The following CNOT6L variants were observed in gnomAD, a reference collection of about 807,000 sequenced individuals.
CNOT6L encodes the protein CCR4-NOT transcription complex subunit 6-like.
Under a neutral mutation model 64.0 loss-of-function variants are expected in CNOT6L, and 7 were observed. That is an observed-to-expected ratio of 0.11 (90% CI 0.06 to 0.21). CNOT6L has a LOEUF of 0.21. Among genes scored for constraint, CNOT6L ranks in the 10% least tolerant of loss-of-function variants. The pLI is 1.00. For synonymous variants in CNOT6L, 193 were observed against 243.4 expected, an observed-to-expected ratio of 0.79 and a Z score of 1.93; for missense variants, 245 against 669.0, an observed-to-expected ratio of 0.37 and a Z score of 6.99.
At chr4:77,758,514 T>G (rs1315331975) in intron 4 of CNOT6L, among the ~76,000 whole-genome samples, 1 of 152,182 alleles carries the variant, frequency 6.6e-6, no homozygotes, top group Non-Finnish European at 1.5e-5. Context: ...CATGTAAAGA[T>G]TTTAAAAGCT....
At chr4:77,781,132 A>G (rs1406179826) in intron 1 of CNOT6L, among the ~76,000 whole-genome samples, 1 of 152,156 alleles carries the variant, frequency 6.6e-6, no homozygotes, top group Non-Finnish European at 1.5e-5. Flanking sequence ...ATGAACAATG[A>G]GAACACATGG....
chr4:77,784,825 T>G (rs1729259707), intron 1 of CNOT6L, among the ~76,000 whole-genome samples: 1 of 152,164 alleles, frequency 6.6e-6, no homozygotes, highest in Non-Finnish European at 1.5e-5. Flanking sequence ...TTCTTTCTCC[T>G]CTGATACGTA....
chr4:77,749,810 A>G (rs767943531), intron 5 of CNOT6L, among the ~76,000 whole-genome samples: 12 of 152,236 alleles, frequency 7.9e-5, no homozygotes, highest in Non-Finnish European at 1.6e-4. Flanking sequence ...AATATAAATT[A>G]GTACAGCTAT....
chr4:77,802,857 C>A (rs562684843), intron 1 of CNOT6L, among the ~76,000 whole-genome samples: 1 of 152,264 alleles, frequency 6.6e-6, no homozygotes, highest in African/African-American at 2.4e-5. Flanking sequence ...AACCAAGCTT[C>A]TACTAAATCA....
chr4:77,764,896 G>A (rs985186392), intron 4 of CNOT6L, among the ~76,000 whole-genome samples: 1 of 152,126 alleles, frequency 6.6e-6, no homozygotes, highest in African/African-American at 2.4e-5. Context: ...TTATAAAAGG[G>A]AGCAGAGAAA....
At chr4:77,755,986 T>C (rs1289871765) in intron 5 of CNOT6L, among the ~76,000 whole-genome samples, 5 of 151,940 alleles carry the variant, frequency 3.3e-5, no homozygotes, top group African/African-American at 9.7e-5. Flanking sequence ...TTTTTGTTTT[T>C]AATATATATT....
intron 9 of CNOT6L, 62 bp from the exon 10 acceptor site, chr4:77,729,143 T>A (rs1722171916): frequency 1.5e-6 from 2 of 1,300,606 alleles, no homozygotes; most frequent in Non-Finnish European, 2.2e-6. Flanking sequence ...AAATGTGGCA[T>A]CCTCAGGTTT....
chr4:77,807,530 A>G (rs1305445978), intron 1 of CNOT6L, among the ~76,000 whole-genome samples: 1 of 152,204 alleles, frequency 6.6e-6, no homozygotes, highest in Non-Finnish European at 1.5e-5. Flanking sequence ...AGTACCAAGT[A>G]AGGTTTCCCA....
chr4:77,798,186 G>A (rs1379319632), intron 1 of CNOT6L, among the ~76,000 whole-genome samples: 3 of 152,080 alleles, frequency 2.0e-5, no homozygotes, highest in Non-Finnish European at 2.9e-5. Flanking sequence ...AATCAGCCAG[G>A]AGCCTATAGT....
At chr4:77,819,243 C>G (rs1192546884) in intron 1 of CNOT6L, 61 bp downstream of exon 1, 1 of 1,613,136 alleles carries the variant, frequency 6.2e-7, no homozygotes, top group Non-Finnish European at 8.5e-7. Context: ...CTCATTTCCC[C>G]GGGGACGCGC....
chr4:77,803,208 C>T (rs1182644602), intron 1 of CNOT6L, among the ~76,000 whole-genome samples: 2 of 150,398 alleles, frequency 1.3e-5, no homozygotes, highest in Non-Finnish European at 3.0e-5. Context: ...AATGCAGTGG[C>T]CAAAAAAAAT....
intron 5 of CNOT6L, among the ~76,000 whole-genome samples, chr4:77,749,478 A>G (rs1423700536): frequency 6.6e-6 from 1 of 152,210 alleles, no homozygotes; most frequent in African/African-American, 2.4e-5. Context: ...GGGATCCTTA[A>G]TTAGCAAAAT....
chr4:77,767,468 T>C (rs964519633), intron 4 of CNOT6L, among the ~76,000 whole-genome samples: 3 of 152,078 alleles, frequency 2.0e-5, no homozygotes, highest in Non-Finnish European at 4.4e-5. Context: ...TAAGACAATA[T>C]GCTAATTGGT....
At chr4:77,779,797 C>CA (rs1448320557) in intron 1 of CNOT6L, among the ~76,000 whole-genome samples, 19 of 151,644 alleles carry the variant, frequency 1.3e-4, no homozygotes, top group South Asian at 2.1e-4. Context: ...CCGTCTCTAC[C>CA]AAAAAAAATA....
chr4:77,734,014 C>T (rs1722701189), intron 8 of CNOT6L, among the ~76,000 whole-genome samples: 1 of 152,112 alleles, frequency 6.6e-6, no homozygotes. Context: ...CTCAAGTTTA[C>T]CCAAAGGTGC....
chr4:77,731,512 A>G lies in CNOT6L; in HGVS notation c.899T>C (p.Val300Ala), dbSNP rs1560575681. 6.2e-7 allele frequency: 1 copy of G among 1,602,920 alleles called. No homozygotes were observed. Among genetic ancestry groups the G allele is most frequent in the Non-Finnish European group, 8.5e-7 (1 of 1,175,768 alleles). ...AGCCATCGCCACTTGGTTAAATTCC[A>G]CTGTATGCTTCTGCACCAATGTAAA... Reference protein sequence around the residue: ...EKFTLVQKHTVEFNQVAMANS... With the variant: ...EKFTLVQKHTAEFNQVAMANS... The change falls in exon 9 of 12, where the codon GTG becomes GCG. Residue 300 changes from valine to alanine, a missense_variant. Val to Ala is a moderately conservative substitution (Grantham distance 64). Transcript: ENST00000504123.
intron 1 of CNOT6L, chr4:77,818,985 G>A (rs1397089192): frequency 6.0e-6 from 4 of 666,654 alleles, no homozygotes; most frequent in Admixed American, 2.1e-5. Context: ...TGCGAGGCTC[G>A]GGAGCCGCAG....
chr4:77,742,391 A>G, intron 7 of CNOT6L, 96 bp from the exon 8 acceptor site: 1 of 1,138,120 alleles, frequency 8.8e-7, no homozygotes, highest in East Asian at 2.6e-5. Context: ...GTAACTTAGT[A>G]AAAATAATTC....
At chr4:77,818,132 T>C (rs1048380122) in intron 1 of CNOT6L, among the ~76,000 whole-genome samples, 1 of 152,194 alleles carries the variant, frequency 6.6e-6, no homozygotes, top group African/African-American at 2.4e-5. Context: ...CCTATCTTGA[T>C]TGACAAGATA....
Sources: allele counts gnomAD v4.1 joint callset (sites outside exome capture counted in the v4.1 genomes callset), GRCh38; gene constraint gnomAD v4.1.1; transcripts MANE v1.5; gene names NCBI Gene and HGNC (gene_info 2026-07-23, HGNC 2026-07-21).